The following SVIL variants were observed in gnomAD, a reference collection of about 807,000 sequenced individuals.
SVIL encodes supervillin.
SVIL carries 101 observed loss-of-function variants against 240.4 expected under a neutral mutation model. The observed-to-expected ratio is 0.42, with a 90% CI of 0.36 to 0.50. The LOEUF (loss-of-function observed/expected upper bound fraction) is 0.50, where lower values mean the gene tolerates loss of function less well. SVIL is among the 20% of genes least tolerant of loss of function. SVIL has a pLI of 0.01. For missense variants in SVIL, 2,512 were observed against 2,818.7 expected (o/e 0.89, Z 2.46); for synonymous variants, 999 against 1,100.0 (o/e 0.91, Z 1.82).
At chr10:29,494,029 G>C (rs1485886648) in intron 20 of SVIL, among the ~76,000 whole-genome samples, 1 of 152,132 alleles carries the variant, frequency 6.6e-6, no homozygotes, top group African/African-American at 2.4e-5. Context: ...AAATTAGCCA[G>C]GCTTGGTGGT....
chr10:29,460,275 A>G (rs575074295), intron 36 of SVIL, among the ~76,000 whole-genome samples: 1 of 152,286 alleles, frequency 6.6e-6, no homozygotes, highest in African/African-American at 2.4e-5. Flanking sequence ...AAATCAGTGT[A>G]AAGTGCTTGG....
intron 1 of SVIL, among the ~76,000 whole-genome samples, chr10:29,699,048 C>T (rs1434925796): frequency 1.3e-5 from 2 of 152,240 alleles, no homozygotes; most frequent in Non-Finnish European, 1.5e-5. Context: ...CAGGCTGGAT[C>T]TAACTCGGTC....
At chr10:29,521,286 T>C (rs1950548495) in intron 16 of SVIL, among the ~76,000 whole-genome samples, 1 of 151,516 alleles carries the variant, frequency 6.6e-6, no homozygotes, top group Non-Finnish European at 1.5e-5. Context: ...TCATTGTGGT[T>C]TAGTATAGTC....
chr10:29,566,443 C>G (rs1382637524), intron 2 of SVIL, among the ~76,000 whole-genome samples: 1 of 152,174 alleles, frequency 6.6e-6, no homozygotes, highest in African/African-American at 2.4e-5. Flanking sequence ...CAGGAGCAGG[C>G]AGACTGGGCT....
intron 32 of SVIL, among the ~76,000 whole-genome samples, chr10:29,468,230 T>C (rs1196370558): frequency 1.3e-5 from 2 of 152,230 alleles, no homozygotes; most frequent in African/African-American, 4.8e-5. Context: ...TATATGTTCC[T>C]TTGTGACTGA....
chr10:29,462,732 C>T (rs1376395597), intron 35 of SVIL, among the ~76,000 whole-genome samples: 1 of 152,114 alleles, frequency 6.6e-6, no homozygotes, highest in Non-Finnish European at 1.5e-5. Flanking sequence ...TAGAGTCATC[C>T]GTCTCATTTC....
At chr10:29,580,675 G>A (rs187111524) in intron 1 of SVIL, among the ~76,000 whole-genome samples, 1 of 152,176 alleles carries the variant, frequency 6.6e-6, no homozygotes, top group East Asian at 1.9e-4. Flanking sequence ...ATGTATGTAT[G>A]TATTTATTTG....
chr10:29,728,791 G>T (rs1964435423), intron 1 of SVIL, among the ~76,000 whole-genome samples: 1 of 152,156 alleles, frequency 6.6e-6, no homozygotes. Flanking sequence ...GGATCGCAAG[G>T]GGGAAACTTA....
At chr10:29,458,674 G>C in intron 36 of SVIL, 85 bp from the exon 37 acceptor site, 16 of 1,470,836 alleles carry the variant, frequency 1.1e-5, no homozygotes, top group Non-Finnish European at 1.4e-5. Context: ...ACACAGCCCT[G>C]TGCCACCTGC....
At chr10:29,623,487 C>T (rs1446759142) in intron 1 of SVIL, among the ~76,000 whole-genome samples, 1 of 152,236 alleles carries the variant, frequency 6.6e-6, no homozygotes, top group African/African-American at 2.4e-5. Flanking sequence ...CCATTAGGAG[C>T]CGTAAGGCTC....
At chr10:29,730,824 C>G (rs12359760) in intron 1 of SVIL, among the ~76,000 whole-genome samples, 91,148 of 151,946 alleles carry the variant, frequency 0.6, 28,557 homozygotes, top group African/African-American at 0.79. Flanking sequence ...AGAACAAAGG[C>G]GATTGAAACT....
intron 3 of SVIL, chr10:29,647,064 C>G (rs1012494741): frequency 1.3e-5 from 2 of 152,190 alleles, no homozygotes; most frequent in Non-Finnish European, 2.9e-5. Context: ...AAACCCCAAT[C>G]CTCTGCAGGG....
chr10:29,639,060 GCTGGGATAACGAAAGTGTGT>G (rs1958399370), upstream of SVIL, among the ~76,000 whole-genome samples: 1 of 152,218 alleles, frequency 6.6e-6, no homozygotes, highest in East Asian at 1.9e-4. Flanking sequence ...CACCTGAGTA[GCTGGGATAACGAAAGTGTGT>G]CACTGCACTG....
intron 2 of SVIL, among the ~76,000 whole-genome samples, chr10:29,659,235 C>T (rs1304066530): frequency 6.6e-6 from 1 of 152,194 alleles, no homozygotes; most frequent in Non-Finnish European, 1.5e-5. Context: ...CAGAAGGCTC[C>T]AGCCCTGCAA....
In SVIL at chr10:29,528,603, G is replaced by A. The variant is rs547820898; in HGVS notation, c.2246+1102C>T. Reference sequence around the variant, plus strand: ...AAAATACAAAAATTAGCCAGGTGTGGTGGTTGGGCCTACAGTCCCAACTAC... The same window carrying A: ...AAAATACAAAAATTAGCCAGGTGTGATGGTTGGGCCTACAGTCCCAACTAC... On this transcript the variant is annotated intron_variant, in intron 12 of 37. Transcript: ENST00000355867. 2.0e-5 allele frequency among the ~76,000 whole-genome samples: 3 copies of A among 152,078 alleles called. No homozygotes were observed. In the East Asian group the frequency reaches 5.8e-4, roughly 30 times the overall value.
intron 18 of SVIL, among the ~76,000 whole-genome samples, chr10:29,498,458 T>G (rs1487156303): frequency 6.6e-6 from 1 of 152,174 alleles, no homozygotes; most frequent in Non-Finnish European, 1.5e-5. Flanking sequence ...CAAAATTTGT[T>G]AGCAGATTTG....
At chr10:29,510,583 C>T (rs144443590) in intron 17 of SVIL, among the ~76,000 whole-genome samples, 4,124 of 151,644 alleles carry the variant, frequency 0.027, 28 homozygotes, top group African/African-American at 0.092. Flanking sequence ...CTCCTTTCTG[C>T]CTTTGGTGCT....
intron 17 of SVIL, among the ~76,000 whole-genome samples, chr10:29,499,481 T>A (rs148698321): frequency 6.6e-6 from 1 of 152,212 alleles, no homozygotes; most frequent in Non-Finnish European, 1.5e-5. Flanking sequence ...TTTAGATGAA[T>A]GCCTCTGTCC....
At chr10:29,600,636 C>A (rs958991757) in intron 1 of SVIL, among the ~76,000 whole-genome samples, 6 of 152,156 alleles carry the variant, frequency 3.9e-5, no homozygotes, top group African/African-American at 1.4e-4. Context: ...CTTGGGGATG[C>A]ATTTTATACA....
Sources: allele counts gnomAD v4.1 joint callset (sites outside exome capture counted in the v4.1 genomes callset), GRCh38; gene constraint gnomAD v4.1.1; transcripts MANE v1.5; gene names NCBI Gene and HGNC (gene_info 2026-07-23, HGNC 2026-07-21).